ANXA11: variants seen among roughly 807,000 people sequenced by gnomAD.
ANXA11 encodes the protein 56 kDa autoantigen.
Under a neutral mutation model 64.7 loss-of-function variants are expected in ANXA11, and 57 were observed. The observed-to-expected ratio is 0.88, with a 90% CI of 0.71 to 1.10. The LOEUF is 1.10. Among genes scored for constraint, ANXA11 ranks in the 50% least tolerant of loss-of-function variants. The probability of loss-of-function intolerance (pLI) is 0.00; values close to 1 mark genes in which losing one functional copy is unlikely to be tolerated. For missense variants in ANXA11, 675 were observed against 670.7 expected (o/e 1.01, Z -0.07); for synonymous variants, 260 against 265.2 (o/e 0.98, Z 0.19).
intron 1 of ANXA11, among the ~76,000 whole-genome samples, chr10:80,187,389 C>A (rs1295090251): frequency 6.6e-6 from 1 of 152,226 alleles, no homozygotes; most frequent in Non-Finnish European, 1.5e-5. Flanking sequence ...TCACCAGACA[C>A]TGAGTCTGCT....
Position 80,205,414 on chromosome 10 carries a change from C to G in ANXA11, c.-129G>C, listed in dbSNP as rs1387807319. ...GGGAGTGGCTCTCTCCGCGGGCGTCCCGGGCGCGGCGCCTGGGTTCTGCCT... is the reference window on the plus strand; with the variant it reads ...GGGAGTGGCTCTCTCCGCGGGCGTCGCGGGCGCGGCGCCTGGGTTCTGCCT... On this transcript the variant is annotated 5_prime_UTR_variant, in exon 1 of 16. Coordinates refer to ENST00000422982, the MANE Select transcript of ANXA11 (RefSeq NM_145868.2). 7.3e-6 allele frequency: 1 copy of G among 136,524 alleles called. No homozygotes were observed. Among genetic ancestry groups the G allele is most frequent in the Non-Finnish European group, 1.6e-5 (1 of 63,892 alleles). The allele number at this position is 136,524 out of a possible 1,614,324, so 8.5% of individuals were successfully genotyped here.
In ANXA11 at chr10:80,154,885, C is replaced by T. The variant is rs1845225775; in HGVS notation, c.*968G>A. On this transcript the variant is annotated 3_prime_UTR_variant, in exon 16 of 16. Transcript: ENST00000422982. ...TTCTTCGCACCACACCTTCAGTGGA[C>T]TTCACTGCACCTGCAACCAACCAAG... is the stretch of plus-strand genomic sequence containing the variant. The T allele has an allele frequency of 6.6e-6, 1 of 152,300 alleles. No homozygotes were observed. The highest frequency in any genetic ancestry group is 6.5e-5 in the Admixed American group (1 of 15,286). 9.4% of individuals were successfully genotyped at this position (152,300 alleles called of 1,614,324 possible). A position where few individuals can be genotyped will look rare whatever the true frequency, so the allele number is the denominator to read the frequency against.
chr10:80,180,648 T>G (rs1293698067), intron 1 of ANXA11, among the ~76,000 whole-genome samples: 3 of 152,034 alleles, frequency 2.0e-5, no homozygotes, highest in Admixed American at 1.3e-4. Flanking sequence ...ATATTAGTTT[T>G]TTTTTTTTTT....
chr10:80,175,855 G>A (rs1350281803), intron 2 of ANXA11, among the ~76,000 whole-genome samples: 6 of 152,086 alleles, frequency 3.9e-5, no homozygotes, highest in Non-Finnish European at 5.9e-5. Context: ...TCAGGAGTTC[G>A]AGACCAGCCT....
intron 1 of ANXA11, among the ~76,000 whole-genome samples, chr10:80,193,669 C>A (rs1216218215): frequency 1.3e-5 from 2 of 151,812 alleles, no homozygotes; most frequent in Non-Finnish European, 2.9e-5. Context: ...CATGTCAAAA[C>A]CCCGTCTCTA....
rs935340589 is a variant in ANXA11, at chr10:80,153,565, C to T, written c.*2288G>A. The stretch of plus-strand genomic sequence containing the variant: ...ACAATTCAGGAGGCCCCCAGGGTCA[C>T]CTTGAGTTCATGGCAAGTTGTATAT... On this transcript the variant is annotated 3_prime_UTR_variant, in exon 16 of 16. Transcript: ENST00000422982. The T allele has an allele frequency of 6.6e-6, 1 of 152,284 alleles. No homozygotes were observed. Among genetic ancestry groups the T allele is most frequent in the Non-Finnish European group, 1.5e-5 (1 of 68,092 alleles). 9.4% of individuals were successfully genotyped at this position (152,284 alleles called of 1,614,324 possible). A position where few individuals can be genotyped will look rare whatever the true frequency, so the allele number is the denominator to read the frequency against.
At chr10:80,184,563 T>C (rs1046604048) in intron 1 of ANXA11, among the ~76,000 whole-genome samples, 2 of 152,006 alleles carry the variant, frequency 1.3e-5, no homozygotes, top group Non-Finnish European at 2.9e-5. Context: ...AGTGTGTTTA[T>C]ATAACTAATA....
intron 1 of ANXA11, among the ~76,000 whole-genome samples, chr10:80,194,708 C>T (rs545070342): frequency 5.2e-4 from 79 of 152,288 alleles, no homozygotes; most frequent in Non-Finnish European, 1.0e-3. Context: ...CCTCCCAGAA[C>T]CTGGGGCTCC....
chr10:80,191,854 A>C (rs1846790500), intron 1 of ANXA11, among the ~76,000 whole-genome samples: 1 of 152,204 alleles, frequency 6.6e-6, no homozygotes, highest in Admixed American at 6.5e-5. Context: ...TCAGCACCTC[A>C]GAGACGACTC....
At chr10:80,204,503 C>CA (rs1310093764) in intron 1 of ANXA11, among the ~76,000 whole-genome samples, 2 of 152,238 alleles carry the variant, frequency 1.3e-5, no homozygotes, top group African/African-American at 2.4e-5. Flanking sequence ...GGAGAGCTAC[C>CA]ACAAACGCCG....
At chr10:80,157,813 C>T (rs2132358759) in intron 14 of ANXA11, 50 bp from the exon 15 acceptor site, 1 of 1,599,018 alleles carries the variant, frequency 6.3e-7, no homozygotes, top group East Asian at 2.2e-5. Flanking sequence ...CTCACCTTCC[C>T]ACCTGCCCTG....
chr10:80,176,809 C>T (rs754675751), intron 1 of ANXA11, among the ~76,000 whole-genome samples: 14 of 152,190 alleles, frequency 9.2e-5, no homozygotes, highest in Non-Finnish European at 2.9e-5. Context: ...GCTAGGAGCT[C>T]TGCCCTGCAT....
At chr10:80,201,984 C>T (rs1000005841) in intron 1 of ANXA11, among the ~76,000 whole-genome samples, 4 of 152,172 alleles carry the variant, frequency 2.6e-5, no homozygotes, top group Admixed American at 2.0e-4. Context: ...TCTGCTAAGG[C>T]GGAGCCTAAG....
chr10:80,186,596 G>A (rs1464807908), intron 1 of ANXA11, among the ~76,000 whole-genome samples: 1 of 152,280 alleles, frequency 6.6e-6, no homozygotes, highest in East Asian at 1.9e-4. Flanking sequence ...CTGGGAGAGG[G>A]ACCCGCAGAG....
chr10:80,177,911 A>G (rs970993341), intron 1 of ANXA11, among the ~76,000 whole-genome samples: 2 of 152,180 alleles, frequency 1.3e-5, no homozygotes, highest in African/African-American at 4.8e-5. Flanking sequence ...CTAGGAGGCT[A>G]GAGGCTGCAG....
intron 1 of ANXA11, among the ~76,000 whole-genome samples, chr10:80,197,076 A>G (rs1310202604): frequency 6.6e-6 from 1 of 152,214 alleles, no homozygotes; most frequent in African/African-American, 2.4e-5. Context: ...AAATCATTTC[A>G]TTCAACCTGT....
intron 1 of ANXA11, among the ~76,000 whole-genome samples, chr10:80,183,613 A>T (rs1330867683): frequency 2.0e-5 from 3 of 152,216 alleles, no homozygotes; most frequent in Non-Finnish European, 4.4e-5. Flanking sequence ...ACAAAACCTG[A>T]CATCCCCTCA....
chr10:80,170,664 A>C, intron 4 of ANXA11, 136 bp downstream of exon 4: 1 of 554,534 alleles, frequency 1.8e-6, no homozygotes, highest in Non-Finnish European at 2.8e-6. Flanking sequence ...CCCTGTTCTA[A>C]GGTACAGCTC....
At chr10:80,172,063 GCCTAGGAGT>G (rs1376877344) in intron 3 of ANXA11, among the ~76,000 whole-genome samples, 1 of 152,190 alleles carries the variant, frequency 6.6e-6, no homozygotes, top group Non-Finnish European at 1.5e-5. Flanking sequence ...AATCAATGAT[GCCTAGGAGT>G]CCCCTGGGGA....
Sources: gnomAD v4.1 joint callset for allele counts (sites outside exome capture counted in the v4.1 genomes callset) on GRCh38, gnomAD v4.1.1 for gene constraint, MANE v1.5 for transcripts, NCBI Gene and HGNC (gene_info 2026-07-23, HGNC 2026-07-21) for gene names.